Variants in TBC1D19 observed in about 807,000 individuals in gnomAD.
TBC1D19 encodes TBC1 domain family member 19.
A neutral mutation model predicts 89.0 loss-of-function variants in TBC1D19; 60 were observed. The ratio of observed to expected loss-of-function variants is 0.67; its 90% CI spans 0.55 to 0.84. The LOEUF is 0.84. Ranked by LOEUF, TBC1D19 falls within the 40% of genes least tolerant of loss-of-function variation. The pLI is 0.00. For missense variants in TBC1D19, 500 were observed against 610.8 expected, an observed-to-expected ratio of 0.82 and a Z score of 1.91; for synonymous variants, 189 against 199.7, an observed-to-expected ratio of 0.95 and a Z score of 0.45.
intron 18 of TBC1D19, among the ~76,000 whole-genome samples, chr4:26,745,162 T>A (rs150537516): frequency 1.3e-3 from 192 of 152,254 alleles, no homozygotes; most frequent in African/African-American, 4.2e-3. Flanking sequence ...TATAATTGCA[T>A]GATACATTCT....
chr4:26,850,540 CAAA>C, the TBC1D19 span, among the ~76,000 whole-genome samples: 271 of 90,392 alleles, frequency 3.0e-3, 2 homozygotes, highest in African/African-American at 0.015. Context: ...GACCCTGTCT[CAAA>C]AAAAAAAAAA....
At position 26,613,146 on chromosome 4, in the gene TBC1D19, TTTATTA is replaced by T; in HGVS notation, c.100-11_100-6del. 2 of 1,421,482 alleles carry T rather than the reference TTTATTA, an allele frequency of 1.4e-6. No homozygotes were observed. The highest frequency in any genetic ancestry group is 2.2e-5 in the Admixed American group (1 of 45,790). 88.1% of individuals were successfully genotyped at this position (1,421,482 alleles called of 1,614,324 possible). A position where few individuals can be genotyped will look rare whatever the true frequency, so the allele number is the denominator to read the frequency against. ...ATCTTTTCCTTCCTTATCTTTCTTT[TTTATTA>T]TTATTATTATTCTTAGGCCAGTCTT... On this transcript the variant is annotated splice_polypyrimidine_tract_variant and intron_variant, in intron 1 of 20. Transcript: ENST00000264866.
At chr4:26,637,659 A>G (rs1743221105) in intron 5 of TBC1D19, among the ~76,000 whole-genome samples, 1 of 152,152 alleles carries the variant, frequency 6.6e-6, no homozygotes, top group Admixed American at 6.5e-5. Flanking sequence ...GATGTGAGCC[A>G]CTGTGCCCGG....
the TBC1D19 span, among the ~76,000 whole-genome samples, chr4:26,830,095 A>G: frequency 6.6e-6 from 1 of 152,196 alleles, no homozygotes; most frequent in South Asian, 2.1e-4. Context: ...ATGGCCCATA[A>G]AAGTGTAAGA....
At chr4:26,642,643 T>G (rs925674415) in intron 7 of TBC1D19, among the ~76,000 whole-genome samples, 2 of 152,134 alleles carry the variant, frequency 1.3e-5, no homozygotes, top group Non-Finnish European at 2.9e-5. Flanking sequence ...GCAAATTGGA[T>G]AAAGAGTCAA....
At chr4:26,837,450 A>T in the TBC1D19 span, among the ~76,000 whole-genome samples, 1 of 152,204 alleles carries the variant, frequency 6.6e-6, no homozygotes. Context: ...CCCCTGTTTA[A>T]CTGGAAGGTA....
intron 15 of TBC1D19, among the ~76,000 whole-genome samples, chr4:26,726,126 AACACACACACACACACACAC>A (rs56262902): frequency 0.013 from 1,631 of 127,178 alleles, 15 homozygotes; most frequent in Middle Eastern, 0.08. Flanking sequence ...CAATTCTCCC[AACACACACACACACACACAC>A]ACACACACAC....
intron 1 of TBC1D19, among the ~76,000 whole-genome samples, chr4:26,600,588 C>A (rs1740523730): frequency 1.3e-5 from 2 of 152,148 alleles, no homozygotes. Context: ...GAAGTGAATA[C>A]TTTCAGGCAT....
chr4:26,795,393 C>T, the TBC1D19 span, among the ~76,000 whole-genome samples: 1 of 152,160 alleles, frequency 6.6e-6, no homozygotes, highest in African/African-American at 2.4e-5. Context: ...TTATATTGAT[C>T]ACCATTTAAT....
chr4:26,714,057 T>A (rs1378981812), intron 13 of TBC1D19, among the ~76,000 whole-genome samples: 1 of 151,960 alleles, frequency 6.6e-6, no homozygotes, highest in Non-Finnish European at 1.5e-5. Flanking sequence ...TAAAAATGAA[T>A]GCAGCGGGTC....
chr4:26,653,834 C>T (rs971892383), intron 7 of TBC1D19, among the ~76,000 whole-genome samples: 34 of 152,102 alleles, frequency 2.2e-4, no homozygotes, highest in Non-Finnish European at 4.9e-4. Flanking sequence ...TCCAATGTGC[C>T]AGTCTGTGTC....
At chr4:26,823,557 G>A in the TBC1D19 span, among the ~76,000 whole-genome samples, 1 of 152,202 alleles carries the variant, frequency 6.6e-6, no homozygotes, top group East Asian at 1.9e-4. Context: ...CTACCATGGG[G>A]AGAGAGCCCA....
At chr4:26,707,203 A>G (rs1174351693) in intron 13 of TBC1D19, among the ~76,000 whole-genome samples, 1 of 151,998 alleles carries the variant, frequency 6.6e-6, no homozygotes, top group Non-Finnish European at 1.5e-5. Flanking sequence ...TTTTTGCTTC[A>G]TACATTTTCA....
At chr4:26,842,636 CTTT>C in the TBC1D19 span, among the ~76,000 whole-genome samples, 83 of 123,276 alleles carry the variant, frequency 6.7e-4, no homozygotes, top group African/African-American at 2.6e-3. Context: ...TTCTTTCTTT[CTTT>C]CTTTCTTTTT....
the TBC1D19 span, among the ~76,000 whole-genome samples, chr4:26,775,327 G>T: frequency 1.3e-5 from 2 of 152,102 alleles, no homozygotes; most frequent in African/African-American, 4.8e-5. Context: ...AGTGGCACAC[G>T]CCTATGGTCC....
chr4:26,839,663 C>T, the TBC1D19 span, among the ~76,000 whole-genome samples: 3 of 152,086 alleles, frequency 2.0e-5, no homozygotes, highest in African/African-American at 4.8e-5. Context: ...TTCACTTATC[C>T]GCCCACTGCC....
intron 13 of TBC1D19, among the ~76,000 whole-genome samples, chr4:26,691,869 T>C (rs899903155): frequency 6.6e-6 from 1 of 152,126 alleles, no homozygotes; most frequent in East Asian, 1.9e-4. Flanking sequence ...AAATACAGAG[T>C]GGAAATTATC....
At chr4:26,655,701 G>A (rs942549211) in intron 7 of TBC1D19, among the ~76,000 whole-genome samples, 11 of 152,204 alleles carry the variant, frequency 7.2e-5, no homozygotes, top group South Asian at 4.1e-4. Context: ...CTGGTGTGCC[G>A]TTTGCTAAGA....
the TBC1D19 span, among the ~76,000 whole-genome samples, chr4:26,853,017 C>T: frequency 1.3e-5 from 2 of 152,334 alleles, no homozygotes; most frequent in East Asian, 1.9e-4. Context: ...ATGGCGTCCC[C>T]GCTCCTACCA....
Sources: gnomAD v4.1 joint callset for allele counts (sites outside exome capture counted in the v4.1 genomes callset) on GRCh38, gnomAD v4.1.1 for gene constraint, MANE v1.5 for transcripts, NCBI Gene and HGNC (gene_info 2026-07-23, HGNC 2026-07-21) for gene names.